The following ZFHX3 variants were observed in gnomAD, a reference collection of about 807,000 sequenced individuals.
ZFHX3 encodes the protein zinc finger homeobox 3, also known as zinc finger homeobox protein 3.
ZFHX3 carries 42 observed loss-of-function variants against 279.1 expected under a neutral mutation model. That is an observed-to-expected ratio of 0.15 (90% CI 0.12 to 0.19). The LOEUF (loss-of-function observed/expected upper bound fraction) is 0.19, where lower values mean the gene tolerates loss of function less well. ZFHX3 is among the 10% of genes least tolerant of loss of function. The pLI is 1.00. For synonymous variants in ZFHX3, 2,293 were observed against 1,957.8 expected (o/e 1.17, Z -4.52); for missense variants, 4,981 against 4,754.0 (o/e 1.05, Z -1.40).
chr16:72,872,600 G>C (rs1490779414), intron 4 of ZFHX3, among the ~76,000 whole-genome samples: 2 of 152,136 alleles, frequency 1.3e-5, no homozygotes, highest in African/African-American at 2.4e-5. Flanking sequence ...TGAGACTACA[G>C]GCACGCGCCA....
rs920043287 is a variant in ZFHX3 at position 72,794,148 on chromosome 16, G to A, written c.8534C>T (p.Thr2845Ile). Residue 2845 changes from threonine (T) to isoleucine (I), a missense_variant, in exon 9 of 10, where the codon ACC becomes ATC. Thr to Ile is a moderately conservative substitution (Grantham distance 89, BLOSUM62 -1). Around this residue, in one of 7 missense-constraint regions of ZFHX3, gnomAD observed 744 missense variants for 701.3 expected, o/e 1.06. Transcript: ENST00000268489. This position sits in a 1 kb window ranked among gnomAD's most constrained non-coding sequence, Gnocchi z 4.2. ...TGCGTTGCCCTCGTCTCCAGTTGTGGTATCTGTGATTGCTGTGTTGACAGA... is the reference window on the plus strand; with the variant it reads ...TGCGTTGCCCTCGTCTCCAGTTGTGATATCTGTGATTGCTGTGTTGACAGA... Reference protein sequence around the residue: ...CSSVNTAITDTTTGDEGNADN... With the variant: ...CSSVNTAITDITTGDEGNADN... 1 of 1,614,060 alleles carries A rather than the reference G, an allele frequency of 6.2e-7. No individual in the cohort carries two copies. Among genetic ancestry groups the A allele is most frequent in the Non-Finnish European group, 8.5e-7 (1 of 1,180,048 alleles).
At chr16:73,318,340 C>G (rs933404680) in intron 3 of ZFHX3, 2 of 152,178 alleles carry the variant, frequency 1.3e-5, no homozygotes, top group Non-Finnish European at 2.9e-5. Context: ...GGGCCACCTG[C>G]ACGTGTCCAG....
intron 7 of ZFHX3, among the ~76,000 whole-genome samples, chr16:73,105,350 T>TACAC (rs1567389729): frequency 6.7e-5 from 8 of 119,066 alleles, no homozygotes; most frequent in East Asian, 6.2e-4. Flanking sequence ...TGTATATATA[T>TACAC]ATACACATAT....
intron 5 of ZFHX3, among the ~76,000 whole-genome samples, chr16:73,245,870 C>T (rs1226101533): frequency 6.6e-6 from 1 of 152,118 alleles, no homozygotes; most frequent in African/African-American, 2.4e-5. Context: ...GAAGAGATGA[C>T]AGATGAACTT....
At chr16:73,055,692 G>GCACACACACACACACACACACA (rs1232763125) in intron 1 of ZFHX3, among the ~76,000 whole-genome samples, 3 of 95,196 alleles carry the variant, frequency 3.2e-5, no homozygotes, top group African/African-American at 1.0e-4. Flanking sequence ...GCGCGCGCGC[G>GCACACACACACACACACACACA]CGCGCGCACA....
intron 5 of ZFHX3, among the ~76,000 whole-genome samples, chr16:73,227,703 T>G (rs9929616): frequency 0.19 from 29,497 of 151,338 alleles, 4,725 homozygotes; most frequent in East Asian, 0.46. Flanking sequence ...CCAAAAATTA[T>G]CCAGGTGTGA....
chr16:73,865,136 G>A (rs1268671812), intron 1 of ZFHX3, among the ~76,000 whole-genome samples: 3 of 152,196 alleles, frequency 2.0e-5, no homozygotes. Context: ...AGAAAAATGA[G>A]TCATCACAGT....
intron 1 of ZFHX3, among the ~76,000 whole-genome samples, chr16:73,057,594 G>C (rs1212194452): frequency 1.3e-5 from 2 of 151,510 alleles, no homozygotes; most frequent in African/African-American, 2.4e-5. Context: ...AGGCATCCTC[G>C]GATGTCTCTG....
Position 73,823,900 on chromosome 16 carries a change from G to T in ZFHX3, c.-1608+67751C>A, listed in dbSNP as rs190734766. On this transcript the variant is annotated intron_variant, in intron 1 of 17. Coordinates refer to the ZFHX3 transcript ENST00000641206. ...GCAAGAGTCATAGGAGGGAAAAGGT[G>T]CATGATAAACATTTTTAATGACATC... Among the ~76,000 whole-genome samples, 168 of 152,288 alleles carry T rather than the reference G, an allele frequency of 1.1e-3. 1 individual carries two copies. The highest frequency in any genetic ancestry group is 1.9e-3 in the South Asian group (9 of 4,818).
chr16:73,067,852 A>C (rs1165569127), intron 8 of ZFHX3, among the ~76,000 whole-genome samples: 1 of 152,200 alleles, frequency 6.6e-6, no homozygotes, highest in Non-Finnish European at 1.5e-5. Flanking sequence ...GGAATAGCCA[A>C]GGGAGTCTCT....
At chr16:73,290,828 G>T (rs1597265677) in intron 4 of ZFHX3, among the ~76,000 whole-genome samples, 1 of 152,190 alleles carries the variant, frequency 6.6e-6, no homozygotes, top group Non-Finnish European at 1.5e-5. Flanking sequence ...GCTGTGTTGG[G>T]AGTAGAATTA....
chr16:72,866,751 G>C (rs1290347341), intron 4 of ZFHX3, among the ~76,000 whole-genome samples: 1 of 152,108 alleles, frequency 6.6e-6, no homozygotes. Context: ...CTATCCCAGA[G>C]GTTCTTCAAA....
intron 1 of ZFHX3, among the ~76,000 whole-genome samples, chr16:73,781,677 T>C (rs1017608507): frequency 2.0e-5 from 3 of 152,170 alleles, no homozygotes; most frequent in African/African-American, 7.2e-5. Flanking sequence ...GAAACCATCT[T>C]TAACTTGATC....
intron 3 of ZFHX3, among the ~76,000 whole-genome samples, chr16:72,922,581 G>A (rs764190951): frequency 1.3e-5 from 2 of 152,144 alleles, no homozygotes; most frequent in Non-Finnish European, 2.9e-5. Flanking sequence ...AGGGACCATG[G>A]TGACAGCCAG....
At chr16:73,630,268 A>T (rs2052455405) in intron 2 of ZFHX3, among the ~76,000 whole-genome samples, 1 of 101,536 alleles carries the variant, frequency 9.8e-6, no homozygotes, top group African/African-American at 2.6e-5. Flanking sequence ...AAGGCCCTTT[A>T]GAGGATCAAA....
At chr16:73,377,391 G>T (rs766993918) in intron 3 of ZFHX3, among the ~76,000 whole-genome samples, 9 of 152,112 alleles carry the variant, frequency 5.9e-5, no homozygotes, top group Non-Finnish European at 1.0e-4. Context: ...TTACCATAAA[G>T]CCACAGTGAT....
At chr16:73,018,598 A>AAAAAT (rs537927425) in intron 1 of ZFHX3, among the ~76,000 whole-genome samples, 10 of 152,222 alleles carry the variant, frequency 6.6e-5, no homozygotes, top group South Asian at 2.1e-4. Flanking sequence ...ACTCCATCTC[A>AAAAAT]AAAATAAAAT....
chr16:73,426,212 C>T (rs2017807636), intron 3 of ZFHX3, among the ~76,000 whole-genome samples: 1 of 152,206 alleles, frequency 6.6e-6, no homozygotes. Flanking sequence ...GCCAATTAAT[C>T]ACTGGGAGGT....
Position 73,174,406 on chromosome 16 carries a change from ACT to A in ZFHX3, c.-1103-30577_-1103-30576del, listed in dbSNP as rs538833168. 3.0e-4 allele frequency among the ~76,000 whole-genome samples: 45 copies of A among 151,902 alleles called. No homozygotes were observed. In the East Asian group the frequency reaches 8.7e-3, roughly 29 times the overall value. Reference sequence around the variant, plus strand: ...GCAGGATCCTGGTCAGATACCTGAAACTCTTCCAATTTCAAGGAATCTATTCC... The same window carrying A: ...GCAGGATCCTGGTCAGATACCTGAAACTTCCAATTTCAAGGAATCTATTCC... On this transcript the variant is annotated intron_variant, in intron 5 of 17. Coordinates refer to the ZFHX3 transcript ENST00000641206.
Sources: gnomAD v4.1 joint callset for allele counts (sites outside exome capture counted in the v4.1 genomes callset) on GRCh38, gnomAD v4.1.1 for gene constraint, gnomAD v4.1.1 regional missense constraint, Gnocchi (gnomAD v3.1) non-coding constraint, MANE v1.5 for transcripts, NCBI Gene and HGNC (gene_info 2026-07-23, HGNC 2026-07-21) for gene names.